DNAJC16: variants seen among roughly 807,000 people sequenced by gnomAD.
DNAJC16 encodes the protein DnaJ heat shock protein family (Hsp40) member C16, also known as dnaJ homolog subfamily C member 16.
A neutral mutation model predicts 92.7 loss-of-function variants in DNAJC16; 76 were observed. That is an observed-to-expected ratio of 0.82 (90% CI 0.68 to 0.99). The LOEUF (loss-of-function observed/expected upper bound fraction) is 0.99, where lower values mean the gene tolerates loss of function less well. Ranked by LOEUF, DNAJC16 falls within the 50% of genes least tolerant of loss-of-function variation. The pLI is 0.00. For synonymous variants in DNAJC16, 328 were observed against 358.7 expected (o/e 0.91, Z 0.97); for missense variants, 869 against 942.4 (o/e 0.92, Z 1.02).
At chr1:15,539,468 G>A (rs7519684) in intron 4 of DNAJC16, among the ~76,000 whole-genome samples, 5 of 151,616 alleles carry the variant, frequency 3.3e-5, no homozygotes, top group African/African-American at 7.3e-5. Flanking sequence ...GGATGGTCTC[G>A]ATCTCCTGAC....
At chr1:15,536,890 GC>G in intron 4 of DNAJC16, 76 bp downstream of exon 4, 1 of 1,321,844 alleles carries the variant, frequency 7.6e-7, no homozygotes, top group Non-Finnish European at 1.0e-6. Flanking sequence ...TTGCTCTGTT[GC>G]CCAGGCTGGA....
chr1:15,559,283 T>A (rs567382850), intron 7 of DNAJC16, among the ~76,000 whole-genome samples: 1 of 152,290 alleles, frequency 6.6e-6, no homozygotes, highest in East Asian at 1.9e-4. Context: ...TGAATAAAAA[T>A]TCTCCAGTGG....
chr1:15,547,411 G>A (rs2103414502), intron 6 of DNAJC16, among the ~76,000 whole-genome samples: 2 of 149,410 alleles, frequency 1.3e-5, no homozygotes, highest in South Asian at 4.2e-4. Context: ...CTCCCAAATT[G>A]CTGGGATTAC....
At position 15,548,334 on chromosome 1, in the gene DNAJC16, C is replaced by A; in HGVS notation, c.929C>A (p.Thr310Lys). Residue 310 changes from threonine (T) to lysine (K), a missense_variant, in exon 7 of 15, where the codon ACG becomes AAG. By Grantham distance (78) the Thr-to-Lys change is moderately conservative. Transcript: ENST00000375847. ...FGYVYVGLRG[T>K]EEMTRRYNIN... ...TATGTATATGTGGGTTTGAGAGGGA[C>A]GGAAGAGATGACAAGGCGGTACAAC... The A allele has an allele frequency of 1.2e-6, 2 of 1,614,080 alleles. No homozygotes were observed. Among genetic ancestry groups the A allele is most frequent in the Non-Finnish European group, 1.7e-6 (2 of 1,179,994 alleles).
At chr1:15,549,781 G>T (rs900314172) in intron 7 of DNAJC16, among the ~76,000 whole-genome samples, 2 of 138,720 alleles carry the variant, frequency 1.4e-5, no homozygotes, top group African/African-American at 2.8e-5. Context: ...GCCGCCCACT[G>T]CACTCCAGCC....
rs764245249 is a variant in DNAJC16, at chr1:15,564,068, C to T, written c.1478C>T (p.Ser493Phe). Residue 493 changes from serine to phenylalanine, a missense_variant, in exon 10 of 15, where the codon TCC becomes TTC. Ser to Phe is a radical substitution (Grantham distance 155, BLOSUM62 -2). Transcript: ENST00000375847. ...CTGCGTAAAGATCCAGCTCTTCTGT[C>T]CTCTGAAGCAGTGCTTCCTGACCTG... Reference protein sequence around the residue: ...DQLRKDPALLSSEAVLPDLTD... With the variant: ...DQLRKDPALLFSEAVLPDLTD... 2 of 1,613,826 alleles carry T rather than the reference C, an allele frequency of 1.2e-6. No homozygotes were observed. The highest frequency in any genetic ancestry group is 1.7e-5 in the Admixed American group (1 of 60,018).
In DNAJC16 at chr1:15,569,174, A is replaced by G. The variant is rs1638889813; in HGVS notation, c.*997A>G. The G allele has an allele frequency of 6.5e-6, 1 of 153,582 alleles. No homozygotes were observed. The highest frequency in any genetic ancestry group is 1.9e-4 in the East Asian group (1 of 5,226). 9.5% of individuals were successfully genotyped at this position (153,582 alleles called of 1,614,324 possible). On this transcript the variant is annotated 3_prime_UTR_variant, in exon 15 of 15. Transcript: ENST00000375847. ...GTGTCTCTTTAGTAAAATACCAAAC[A>G]TGTCTTTGTATCAAGGAACTTAAAA... is the stretch of plus-strand genomic sequence containing the variant.
intron 7 of DNAJC16, among the ~76,000 whole-genome samples, chr1:15,557,496 C>A (rs1638592956): frequency 6.6e-6 from 1 of 151,858 alleles, no homozygotes; most frequent in Non-Finnish European, 1.5e-5. Flanking sequence ...TTAATATATT[C>A]ATTTCTTGTT....
chr1:15,554,940 AAT>A (rs1638531838), intron 7 of DNAJC16, among the ~76,000 whole-genome samples: 1 of 151,986 alleles, frequency 6.6e-6, no homozygotes, highest in South Asian at 2.1e-4. Flanking sequence ...GGTCTTCTGT[AAT>A]ATGTCTTCAT....
In DNAJC16 at chr1:15,527,997, A is replaced by T. The variant is rs184934203; in HGVS notation, c.-19+1039A>T. Among the ~76,000 whole-genome samples the T allele has an allele frequency of 6.1e-3, 933 of 152,352 alleles. 7 individuals are homozygous for T. Among genetic ancestry groups the T allele is most frequent in the Non-Finnish European group, 8.9e-3 (604 of 68,036 alleles). ...AGGATTATTTCCAAAATTCACAATGAATTAAGTCACTGTACTCACCAGAGA... is the reference window on the plus strand; with the variant it reads ...AGGATTATTTCCAAAATTCACAATGTATTAAGTCACTGTACTCACCAGAGA... On this transcript the variant is annotated intron_variant, in intron 1 of 14. Transcript: ENST00000375847.
chr1:15,536,015 C>T (rs536871711), intron 3 of DNAJC16, among the ~76,000 whole-genome samples: 3 of 151,194 alleles, frequency 2.0e-5, no homozygotes, highest in South Asian at 2.1e-4. Context: ...TCCTCCAAAC[C>T]TTGGCCTCAC....
chr1:15,546,271 G>A (rs1029568201), intron 5 of DNAJC16, among the ~76,000 whole-genome samples: 2 of 152,126 alleles, frequency 1.3e-5, no homozygotes, highest in African/African-American at 4.8e-5. Context: ...CCATGATCAT[G>A]CCACTGCACT....
chr1:15,565,870 G>A (rs1300005081), intron 11 of DNAJC16, 49 bp from the exon 12 acceptor site: 3 of 1,556,956 alleles, frequency 1.9e-6, no homozygotes, highest in Non-Finnish European at 2.6e-6. Context: ...TTTTTAGCTG[G>A]AGAGAAGAAA....
At position 15,529,285 on chromosome 1, in the gene DNAJC16, A is replaced by C; in HGVS notation, c.167+13A>C. 1 of 1,604,572 alleles carries C rather than the reference A, an allele frequency of 6.2e-7. No individual in the cohort carries two copies. The highest frequency in any genetic ancestry group is 8.5e-7 in the Non-Finnish European group (1 of 1,173,214). ...TCGCCCGGGAATGGTAGGTGAAACAAAGAAATAGAGGTTTAACATAAGCTA... is the reference window on the plus strand; with the variant it reads ...TCGCCCGGGAATGGTAGGTGAAACACAGAAATAGAGGTTTAACATAAGCTA... On this transcript the variant is annotated intron_variant, in intron 2 of 14. Transcript: ENST00000375847.
intron 5 of DNAJC16, among the ~76,000 whole-genome samples, chr1:15,545,407 T>C (rs1271593939): frequency 6.6e-6 from 1 of 152,248 alleles, no homozygotes; most frequent in Non-Finnish European, 1.5e-5. Flanking sequence ...AAAATGGTGA[T>C]AGATTGTCCT....
intron 7 of DNAJC16, among the ~76,000 whole-genome samples, chr1:15,550,219 C>G (rs1638415217): frequency 6.6e-6 from 1 of 152,218 alleles, no homozygotes; most frequent in African/African-American, 2.4e-5. Flanking sequence ...AGAAGATAAT[C>G]TCAATCCAGG....
At chr1:15,560,984 T>A (rs1638677117) in intron 8 of DNAJC16, among the ~76,000 whole-genome samples, 1 of 152,190 alleles carries the variant, frequency 6.6e-6, no homozygotes. Context: ...TCTCTCTACC[T>A]GGGATGCTCT....
intron 9 of DNAJC16, among the ~76,000 whole-genome samples, chr1:15,563,663 TAAAAAAAAA>T (rs57751838): frequency 7.5e-5 from 4 of 53,212 alleles, no homozygotes; most frequent in South Asian, 6.8e-4. Flanking sequence ...CCATCTCTAC[TAAAAAAAAA>T]AAAAAAAAAA....
At chr1:15,549,674 C>T (rs2103416157) in intron 7 of DNAJC16, among the ~76,000 whole-genome samples, 1 of 152,028 alleles carries the variant, frequency 6.6e-6, no homozygotes, top group South Asian at 2.1e-4. Context: ...ATTAGCCGGG[C>T]GTGGTGGTGG....
Sources: gnomAD v4.1 joint callset for allele counts (sites outside exome capture counted in the v4.1 genomes callset) on GRCh38, gnomAD v4.1.1 for gene constraint, MANE v1.5 for transcripts, NCBI Gene and HGNC (gene_info 2026-07-23, HGNC 2026-07-21) for gene names.